Variants in MRTFB observed in about 807,000 individuals in gnomAD.
MRTFB encodes the protein myocardin related transcription factor B, also known as myocardin-related transcription factor B.
A neutral mutation model predicts 104.2 loss-of-function variants in MRTFB; 29 were observed. That is an observed-to-expected ratio of 0.28 (90% CI 0.21 to 0.38). The LOEUF (loss-of-function observed/expected upper bound fraction) is 0.38, where lower values mean the gene tolerates loss of function less well. MRTFB is among the 10% of genes least tolerant of loss of function. MRTFB has a pLI of 1.00. For missense variants in MRTFB, 1,270 were observed against 1,341.6 expected (o/e 0.95, Z 0.83); for synonymous variants, 535 against 519.5 (o/e 1.03, Z -0.41).
rs541452361 is a variant in MRTFB, at chr16:14,262,666, T to C, written c.*1222T>C. 3 of 152,376 alleles carry C rather than the reference T, an allele frequency of 2.0e-5. No homozygotes were observed. Among genetic ancestry groups the C allele is most frequent in the African/African-American group, 7.2e-5 (3 of 41,590 alleles). The allele number at this position is 152,376 out of a possible 1,614,324, so 9.4% of individuals were successfully genotyped here. A position where few individuals can be genotyped will look rare whatever the true frequency, so the allele number is the denominator to read the frequency against. ...TAAGATTGAAAAACTGGAGGCTTTA[T>C]TAGTGTTTTTATATAGAAAACAGTT... On this transcript the variant is annotated 3_prime_UTR_variant, in exon 17 of 17. Coordinates refer to ENST00000571589, the MANE Select transcript of MRTFB (RefSeq NM_001308142.2).
chr16:14,034,036 C>T, the MRTFB span, among the ~76,000 whole-genome samples: 5 of 152,148 alleles, frequency 3.3e-5, no homozygotes, highest in East Asian at 1.9e-4. Context: ...TCAGGTTGTC[C>T]GCTCCCGCCC....
At chr16:14,198,301 T>C (rs1019906690) in intron 3 of MRTFB, among the ~76,000 whole-genome samples, 3 of 152,232 alleles carry the variant, frequency 2.0e-5, no homozygotes, top group African/African-American at 7.2e-5. Flanking sequence ...TGTGTACATG[T>C]ATTTGTTTGA....
In MRTFB at chr16:14,086,401, G is replaced by A. The variant is rs372403748; in HGVS notation, c.-64+7047G>A. Reference sequence around the variant, plus strand: ...AGCAGCAGTTATTTGCATGTATAACGTCTTAAATTGATTAAATAATCCCCT... The same window carrying A: ...AGCAGCAGTTATTTGCATGTATAACATCTTAAATTGATTAAATAATCCCCT... On this transcript the variant is annotated intron_variant, in intron 2 of 16. Transcript: ENST00000571589. Among the ~76,000 whole-genome samples the A allele has an allele frequency of 1.7e-4, 26 of 152,120 alleles. 1 individual carries two copies. Among genetic ancestry groups the A allele is most frequent in the Non-Finnish European group, 3.5e-4 (24 of 68,012 alleles).
chr16:14,052,881 C>T, the MRTFB span, among the ~76,000 whole-genome samples: 1 of 152,172 alleles, frequency 6.6e-6, no homozygotes, highest in African/African-American at 2.4e-5. Context: ...TCCTCATCCC[C>T]ACTCCAACAC....
chr16:14,234,632 A>G (rs2042415364), intron 9 of MRTFB, among the ~76,000 whole-genome samples: 1 of 152,140 alleles, frequency 6.6e-6, no homozygotes, highest in African/African-American at 2.4e-5. Flanking sequence ...TGTCTCTACA[A>G]AAAATTCAAA....
Position 14,218,900 on chromosome 16 carries a change from CAGCCTGCG to C in MRTFB, c.598_605del (p.Pro200SerfsTer12). On this transcript the variant is annotated frameshift_variant, in exon 8 of 17. Coordinates refer to ENST00000571589, the MANE Select transcript of MRTFB (RefSeq NM_001308142.2). LOFTEE classifies it high-confidence loss of function. Reference sequence around the variant, plus strand: ...CAGCAGTGACGCTTTGTCTCCGGACCAGCCTGCGAGTCAGGAGTCACAGGGGTCAGCCG... The same window carrying C: ...CAGCAGTGACGCTTTGTCTCCGGACCAGTCAGGAGTCACAGGGGTCAGCCG... 1 of 1,614,072 alleles carries C rather than the reference CAGCCTGCG, an allele frequency of 6.2e-7. No homozygotes were observed. The highest frequency in any genetic ancestry group is 8.5e-7 in the Non-Finnish European group (1 of 1,179,992).
chr16:14,255,984 A>G (rs933164456), intron 15 of MRTFB, among the ~76,000 whole-genome samples: 1 of 151,816 alleles, frequency 6.6e-6, no homozygotes, highest in Non-Finnish European at 1.5e-5. Flanking sequence ...GTGGTGGTGC[A>G]TACCTGTAGT....
chr16:14,060,868 C>T, the MRTFB span, among the ~76,000 whole-genome samples: 75 of 152,138 alleles, frequency 4.9e-4, no homozygotes, highest in African/African-American at 1.6e-3. Context: ...AAAGTTTGGC[C>T]GGGCGCGGTG....
At chr16:14,015,011 A>T in the MRTFB span, among the ~76,000 whole-genome samples, 1 of 152,216 alleles carries the variant, frequency 6.6e-6, no homozygotes, top group Non-Finnish European at 1.5e-5. Flanking sequence ...CTCAGAGTGA[A>T]GGACAGTTAT....
At chr16:14,217,011 C>T (rs746544143) in intron 6 of MRTFB, 115 bp from the exon 7 acceptor site, 26 of 1,052,194 alleles carry the variant, frequency 2.5e-5, no homozygotes, top group Non-Finnish European at 3.0e-5. Flanking sequence ...ATAAATATGT[C>T]GAGAACACAA....
chr16:14,200,017 G>C (rs2040611002), intron 3 of MRTFB: 1 of 370,880 alleles, frequency 2.7e-6, no homozygotes, highest in Non-Finnish European at 4.9e-6. Context: ...TTGTGGGGAA[G>C]GGGAAAAATA....
chr16:14,060,550 G>A, the MRTFB span, among the ~76,000 whole-genome samples: 2 of 152,018 alleles, frequency 1.3e-5, no homozygotes, highest in Non-Finnish European at 2.9e-5. Context: ...GCCCTCAAGG[G>A]TAGGGACCAC....
rs2041800865 is a variant in MRTFB, at chr16:14,222,883, C to CAAAAGATACAAAGAAG, written c.693+3886_693+3901dup. Among the ~76,000 whole-genome samples, 4 of 151,278 alleles carry CAAAAGATACAAAGAAG rather than the reference C, an allele frequency of 2.6e-5. No individual in the cohort carries two copies. In the South Asian group the frequency reaches 8.3e-4, roughly 32 times the overall value. ...GTTTTTTCACATGCCAAATTTTCAA[C>CAAAAGATACAAAGAAG]AAAAGATACAAAGAAGGCAGGCATG... On this transcript the variant is annotated intron_variant, in intron 8 of 16. Transcript: ENST00000571589.
chr16:14,187,017 C>A (rs1189479448), intron 3 of MRTFB: 1 of 1,596,246 alleles, frequency 6.3e-7, no homozygotes, highest in Non-Finnish European at 8.5e-7. Context: ...GGGGAGCAAC[C>A]AGAAAAGTCT....
chr16:14,177,904 GT>G lies in MRTFB; in HGVS notation c.155-32338del, dbSNP rs1301443768. Among the ~76,000 whole-genome samples the G allele has an allele frequency of 0.15, 138 of 908 alleles. No individual in the cohort carries two copies. Among genetic ancestry groups the G allele is most frequent in the African/African-American group, 0.23 (130 of 560 alleles). The allele number at this position is 908 out of a possible 152,430, so 0.6% of individuals were successfully genotyped here. ...GAGAAGTACATGAACCAGAGGTAGG[GT>G]GTGTGTGTGTGTGTGTGTGTGTGTG... On this transcript the variant is annotated intron_variant, in intron 3 of 16. Coordinates refer to ENST00000571589, the MANE Select transcript of MRTFB (RefSeq NM_001308142.2). The surrounding 1 kb of genome is among the most constrained non-coding windows in gnomAD (Gnocchi z 4.7).
chr16:14,157,495 T>G (rs1490843404), intron 3 of MRTFB, among the ~76,000 whole-genome samples: 1 of 152,196 alleles, frequency 6.6e-6, no homozygotes, highest in Non-Finnish European at 1.5e-5. Flanking sequence ...GGTTCCCACC[T>G]TGGTTCACAG....
chr16:14,112,809 C>T (rs984447441), intron 2 of MRTFB, among the ~76,000 whole-genome samples: 1 of 152,164 alleles, frequency 6.6e-6, no homozygotes, highest in Non-Finnish European at 1.5e-5. Context: ...TCCCTCACCT[C>T]CTTCTGGTCT....
intron 8 of MRTFB, among the ~76,000 whole-genome samples, chr16:14,221,293 G>T (rs192017773): frequency 1.3e-5 from 2 of 152,302 alleles, no homozygotes; most frequent in East Asian, 3.9e-4. Context: ...CTCACTTGAT[G>T]TATATAAAAT....
rs986430644 is a variant in MRTFB at position 14,204,687 on chromosome 16, G to A, written c.155-5556G>A. On this transcript the variant is annotated intron_variant, in intron 3 of 16. Transcript: ENST00000571589. ...ATGTAATAGAAAACTGTAAATGTTA[G>A]CCCTAAGAGATGAAAGATCATAATT... Among the ~76,000 whole-genome samples, 3 of 152,040 alleles carry A rather than the reference G, an allele frequency of 2.0e-5. No homozygotes were observed. The South Asian group carries it at 6.2e-4, about 32-fold the overall frequency.
Sources: allele counts gnomAD v4.1 joint callset (sites outside exome capture counted in the v4.1 genomes callset), GRCh38; gene constraint gnomAD v4.1.1; non-coding constraint Gnocchi (gnomAD v3.1); transcripts MANE v1.5; gene names NCBI Gene and HGNC (gene_info 2026-07-23, HGNC 2026-07-21).